The following CENPN variants were observed in gnomAD, a reference collection of about 807,000 sequenced individuals.
CENPN encodes the protein centromere protein N.
A neutral mutation model predicts 48.6 loss-of-function variants in CENPN; 36 were observed. The observed-to-expected ratio is 0.74, with a 90% CI of 0.57 to 0.98. The LOEUF is 0.98. Among genes scored for constraint, CENPN ranks in the 50% least tolerant of loss-of-function variants. The pLI, the probability that CENPN is intolerant of heterozygous loss-of-function variation, is 0.00. For missense variants in CENPN, 439 were observed against 399.2 expected (o/e 1.10, Z -0.85); for synonymous variants, 166 against 135.2 (o/e 1.23, Z -1.58).
At position 81,029,473 on chromosome 16, in the gene CENPN, C is replaced by T. The variant is rs1442863522; in HGVS notation, c.*822C>T. The T allele has an allele frequency of 1.0e-5, 2 of 197,548 alleles. No individual in the cohort carries two copies. Among genetic ancestry groups the T allele is most frequent in the African/African-American group, 4.7e-5 (2 of 42,212 alleles). 12.2% of individuals were successfully genotyped at this position (197,548 alleles called of 1,614,324 possible). A position where few individuals can be genotyped will look rare whatever the true frequency, so the allele number is the denominator to read the frequency against. ...GGAGTGCAGTGGCATGATCATGGCT[C>T]ACTGCAGCCTGGACCTCCCAGGCTC... On this transcript the variant is annotated 3_prime_UTR_variant, in exon 11 of 11. Coordinates refer to ENST00000305850, the MANE Select transcript of CENPN (RefSeq NM_001100624.3).
At chr16:81,013,897 A>T (rs12922999) in intron 2 of CENPN, among the ~76,000 whole-genome samples, 2 of 152,222 alleles carry the variant, frequency 1.3e-5, no homozygotes, top group African/African-American at 4.8e-5. Flanking sequence ...GTTAATTTTT[A>T]AAAAATCAAA....
At chr16:81,031,570 C>G (rs1435972653), downstream of CENPN, 3 of 152,238 alleles carry the variant, frequency 2.0e-5, no homozygotes, top group African/African-American at 7.2e-5. Context: ...CTTCTTTGTT[C>G]TGGTGCGGCC....
chr16:81,027,627 T>C (rs2549886), intron 9 of CENPN, among the ~76,000 whole-genome samples: 106,882 of 151,806 alleles, frequency 0.7, 38,191 homozygotes, highest in Middle Eastern at 0.82. Flanking sequence ...TGACAGTCAG[T>C]ATCTCCCATG....
chr16:81,027,340 A>C (rs368404644), intron 9 of CENPN, among the ~76,000 whole-genome samples: 1 of 152,110 alleles, frequency 6.6e-6, no homozygotes, highest in African/African-American at 2.4e-5. Flanking sequence ...AAATTCAAAA[A>C]TACAAGGTGT....
chr16:81,026,133 ATATATATATG>A (rs1267036731), intron 8 of CENPN, among the ~76,000 whole-genome samples: 10 of 54,960 alleles, frequency 1.8e-4, no homozygotes, highest in Non-Finnish European at 3.1e-4. Context: ...ATATGTGTGT[ATATATATATG>A]TATATATATA....
chr16:81,014,120 T>A lies in CENPN; in HGVS notation c.172-16T>A. On this transcript the variant is annotated splice_polypyrimidine_tract_variant and intron_variant, in intron 2 of 10. Transcript: ENST00000305850. ...CCTATAACCACAGTTACTAAATAATTTGTTTTCTCTTTTAGGAAAAGCGTG... is the reference window on the plus strand; with the variant it reads ...CCTATAACCACAGTTACTAAATAATATGTTTTCTCTTTTAGGAAAAGCGTG... 1 of 1,610,478 alleles carries A rather than the reference T, an allele frequency of 6.2e-7. No homozygotes were observed. The highest frequency in any genetic ancestry group is 8.5e-7 in the Non-Finnish European group (1 of 1,176,898).
intron 5 of CENPN, among the ~76,000 whole-genome samples, chr16:81,019,589 C>A (rs1970086307): frequency 6.6e-6 from 1 of 152,074 alleles, no homozygotes; most frequent in South Asian, 2.1e-4. Context: ...AAGAAGGCTT[C>A]ATTATAAAAC....
chr16:81,028,158 T>C lies in CENPN; in HGVS notation c.811-13T>C, dbSNP rs1970595344. 6.3e-7 allele frequency: 1 copy of C among 1,584,044 alleles called. No individual in the cohort carries two copies. The highest frequency in any genetic ancestry group is 1.1e-5 in the South Asian group (1 of 90,344). ...AATATGTTTAATAGTCATTTATAAATGTTTGTTGACAGCTTGAAACGAAAT... is the reference window on the plus strand; with the variant it reads ...AATATGTTTAATAGTCATTTATAAACGTTTGTTGACAGCTTGAAACGAAAT... On this transcript the variant is annotated splice_polypyrimidine_tract_variant and intron_variant, in intron 9 of 10. Transcript: ENST00000305850.
At position 81,029,976 on chromosome 16, in the gene CENPN, A is replaced by AG. The variant is rs1177050087; in HGVS notation, c.*1327dup. On this transcript the variant is annotated 3_prime_UTR_variant, in exon 11 of 11. Transcript: ENST00000305850. ...AGGGAGGCCTCACAATCATGGTGGA[A>AG]GGCAAATGAGAAGCAAAGTCATGTC... Among the ~76,000 whole-genome samples the AG allele has an allele frequency of 2.0e-5, 3 of 152,254 alleles. No homozygotes were observed. Among genetic ancestry groups the AG allele is most frequent in the Admixed American group, 6.5e-5 (1 of 15,288 alleles).
At chr16:81,023,493 T>G (rs967472148) in intron 7 of CENPN, 4 of 151,854 alleles carry the variant, frequency 2.6e-5, no homozygotes, top group Non-Finnish European at 5.9e-5. Flanking sequence ...GAGTTTGAGA[T>G]GAGCCTGGGC....
rs369053141 is a variant in CENPN at position 81,028,305 on chromosome 16, G to A, written c.937+8G>A. On this transcript the variant is annotated splice_region_variant and intron_variant, in intron 10 of 10. Transcript: ENST00000305850. ...AATCCTTAGCACCAGCGGGTGAGTG[G>A]TCAGCTTACTCTATAAGCTAGAAAA... 6 of 1,613,736 alleles carry A rather than the reference G, an allele frequency of 3.7e-6. No homozygotes were observed. The African/African-American group carries it at 5.3e-5, about 14-fold the overall frequency.
intron 5 of CENPN, among the ~76,000 whole-genome samples, chr16:81,018,771 G>A (rs915580018): frequency 2.0e-5 from 3 of 152,182 alleles, no homozygotes; most frequent in South Asian, 2.1e-4. Context: ...TGCACTGAGG[G>A]AATTTGGAAA....
intron 6 of CENPN, among the ~76,000 whole-genome samples, chr16:81,021,000 G>A (rs1044822106): frequency 2.0e-5 from 3 of 151,756 alleles, no homozygotes; most frequent in African/African-American, 7.3e-5. Context: ...GCTGAGGCAG[G>A]AGAATTGCTT....
intron 3 of CENPN, among the ~76,000 whole-genome samples, chr16:81,015,667 G>A (rs1291586630): frequency 1.3e-5 from 2 of 152,052 alleles, no homozygotes; most frequent in African/African-American, 4.8e-5. Context: ...AGCATAAAAG[G>A]TGGATCCACA....
intron 3 of CENPN, among the ~76,000 whole-genome samples, chr16:81,015,336 C>T (rs1220975811): frequency 6.6e-6 from 1 of 152,214 alleles, no homozygotes; most frequent in African/African-American, 2.4e-5. Context: ...TACTGCCTCC[C>T]TGTGAGCCCT....
chr16:81,018,873 G>C (rs1237463803), intron 5 of CENPN, among the ~76,000 whole-genome samples: 1 of 152,216 alleles, frequency 6.6e-6, no homozygotes, highest in Non-Finnish European at 1.5e-5. Context: ...CAGAGACGTG[G>C]GCAAGCTGAG....
intron 8 of CENPN, among the ~76,000 whole-genome samples, chr16:81,026,169 GTATA>G (rs548938741): frequency 1.4e-5 from 2 of 146,332 alleles, no homozygotes; most frequent in South Asian, 2.1e-4. Context: ...ATATATATGT[GTATA>G]TATATGTGTG....
chr16:81,014,371 A>G, intron 3 of CENPN, 190 bp downstream of exon 3: 1 of 585,438 alleles, frequency 1.7e-6, no homozygotes, highest in East Asian at 2.9e-5. Context: ...AGTAGCTGGG[A>G]CTATAGCAGT....
At chr16:81,032,058 T>C (rs78998934), downstream of CENPN, among the ~76,000 whole-genome samples, 990 of 152,144 alleles carry the variant, frequency 6.5e-3, 9 homozygotes, top group African/African-American at 0.012. Context: ...GCCTGAGAAA[T>C]ACACTTGAGA....
Sources: allele counts gnomAD v4.1 joint callset (sites outside exome capture counted in the v4.1 genomes callset), GRCh38; gene constraint gnomAD v4.1.1; transcripts MANE v1.5; gene names NCBI Gene and HGNC (gene_info 2026-07-23, HGNC 2026-07-21).